Variants in TMEM204 observed in about 807,000 individuals in gnomAD.
TMEM204 encodes the protein transmembrane protein 204, also known as claudin-like protein 24.
Under a neutral mutation model 19.4 loss-of-function variants are expected in TMEM204, and 15 were observed. That is an observed-to-expected ratio of 0.77 (90% confidence interval 0.52 to 1.19). The LOEUF is 1.19. TMEM204 is among the 50% of genes most tolerant of loss of function. The pLI, the probability that TMEM204 is intolerant of heterozygous loss-of-function variation, is 0.00. For missense variants in TMEM204, 287 were observed against 321.2 expected, an observed-to-expected ratio of 0.89 and a Z score of 0.81; for synonymous variants, 161 against 146.0, an observed-to-expected ratio of 1.10 and a Z score of -0.74.
chr16:1,529,370 G>C (rs1006708704), upstream of TMEM204, among the ~76,000 whole-genome samples: 2 of 152,218 alleles, frequency 1.3e-5, no homozygotes, highest in Admixed American at 6.5e-5. Context: ...CATTGCATGC[G>C]TGTCCTCTGA....
chr16:1,539,182 C>T (rs1482849800), intron 1 of TMEM204, among the ~76,000 whole-genome samples: 5 of 151,334 alleles, frequency 3.3e-5, no homozygotes, highest in African/African-American at 4.9e-5. Flanking sequence ...CGCCGCCCCA[C>T]GCCTTGGGCC....
Position 1,534,250 on chromosome 16 carries a change from G to C in TMEM204, c.-26G>C. ...GCGGACTGGGACTTGGCTTTCTCCGGATAAGCGGCGGCACCGGCGTCAGCG... is the reference window on the plus strand; with the variant it reads ...GCGGACTGGGACTTGGCTTTCTCCGCATAAGCGGCGGCACCGGCGTCAGCG... On this transcript the variant is annotated 5_prime_UTR_variant, in exon 1 of 3. Coordinates refer to ENST00000566264, the MANE Select transcript of TMEM204 (RefSeq NM_024600.6). 1 of 1,607,066 alleles carries C rather than the reference G, an allele frequency of 6.2e-7. No homozygotes were observed. The highest frequency in any genetic ancestry group is 8.5e-7 in the Non-Finnish European group (1 of 1,179,072).
intron 2 of TMEM204, among the ~76,000 whole-genome samples, chr16:1,547,572 C>T (rs1165573413): frequency 3.3e-5 from 5 of 152,114 alleles, no homozygotes; most frequent in Admixed American, 6.6e-5. Flanking sequence ...GGTCTCACTC[C>T]GATACCCAGC....
intron 1 of TMEM204, among the ~76,000 whole-genome samples, chr16:1,538,123 C>A (rs1004829802): frequency 6.6e-6 from 1 of 152,194 alleles, no homozygotes; most frequent in African/African-American, 2.4e-5. Context: ...TTGGGGCAGG[C>A]GGGAGCGTGG....
Sources: allele counts gnomAD v4.1 joint callset (sites outside exome capture counted in the v4.1 genomes callset), GRCh38; gene constraint gnomAD v4.1.1; transcripts MANE v1.5; gene names NCBI Gene and HGNC (gene_info 2026-07-23, HGNC 2026-07-21).